DACH1: variants seen among roughly 807,000 people sequenced by gnomAD.
DACH1 encodes dachshund family transcription factor 1, also known as dachshund homolog 1.
A neutral mutation model predicts 54.2 loss-of-function variants in DACH1; 12 were observed. The ratio of observed to expected loss-of-function variants is 0.22; its 90% CI spans 0.14 to 0.36. DACH1 has a LOEUF of 0.36. DACH1 is among the 10% of genes least tolerant of loss of function. The probability of loss-of-function intolerance (pLI) is 1.00; values close to 1 mark genes in which losing one functional copy is unlikely to be tolerated. For missense variants in DACH1, 805 were observed against 929.8 expected, an observed-to-expected ratio of 0.87 and a Z score of 1.75; for synonymous variants, 386 against 366.2, an observed-to-expected ratio of 1.05 and a Z score of -0.62.
At chr13:71,616,957 C>T (rs1338754141) in intron 3 of DACH1, among the ~76,000 whole-genome samples, 4 of 150,944 alleles carry the variant, frequency 2.6e-5, no homozygotes, top group Admixed American at 6.6e-5. Context: ...TCTTGGCTCA[C>T]TGCAACCTCC....
At chr13:71,756,093 C>G (rs193107924) in intron 1 of DACH1, among the ~76,000 whole-genome samples, 21 of 151,946 alleles carry the variant, frequency 1.4e-4, no homozygotes, top group African/African-American at 5.1e-4. Flanking sequence ...TGCGGTAGCC[C>G]GATCTCGGCT....
chr13:71,448,824 G>GTTTT (rs11422735), intron 10 of DACH1, among the ~76,000 whole-genome samples: 3 of 145,662 alleles, frequency 2.1e-5, no homozygotes, highest in African/African-American at 7.6e-5. Context: ...AGATTCTGTG[G>GTTTT]TTTTTTTTTT....
Position 71,866,410 on chromosome 13 carries a change from G to GCCGCCC in DACH1, c.359_360insGGGCGG (p.Gly120_Gly121dup). 1 of 1,421,696 alleles carries GCCGCCC rather than the reference G, an allele frequency of 7.0e-7. No homozygotes were observed. The highest frequency in any genetic ancestry group is 9.3e-7 in the Non-Finnish European group (1 of 1,079,760). The allele number at this position is 1,421,696 out of a possible 1,614,324, so 88.1% of individuals were successfully genotyped here. A position where few individuals can be genotyped will look rare whatever the true frequency, so the allele number is the denominator to read the frequency against. On this transcript the variant is annotated inframe_insertion, in exon 1 of 11. Coordinates refer to ENST00000613252, the MANE Select transcript of DACH1 (RefSeq NM_080759.6). ...CGACGCCGCCGCCAGCGCTGATGCC[G>GCCGCCC]CCGCCGCCGCCGCCGCTGCCGTTGC...
chr13:71,654,528 T>C (rs1878958077), intron 2 of DACH1, among the ~76,000 whole-genome samples: 1 of 135,004 alleles, frequency 7.4e-6, no homozygotes, highest in African/African-American at 2.6e-5. Context: ...ATACAACTAA[T>C]AAATGGGGCA....
chr13:71,609,357 T>C (rs1438009002), intron 3 of DACH1, among the ~76,000 whole-genome samples: 2 of 152,254 alleles, frequency 1.3e-5, no homozygotes, highest in Admixed American at 1.3e-4. Flanking sequence ...TGTTTCACAA[T>C]GATATGTGGA....
intron 1 of DACH1, among the ~76,000 whole-genome samples, chr13:71,799,572 C>G (rs898339330): frequency 2.6e-5 from 4 of 152,078 alleles, no homozygotes; most frequent in African/African-American, 9.7e-5. Flanking sequence ...AAAACCGAGA[C>G]AGATAGCACA....
At chr13:71,864,999 G>A (rs1566550739) in intron 1 of DACH1, among the ~76,000 whole-genome samples, 1 of 152,144 alleles carries the variant, frequency 6.6e-6, no homozygotes. Context: ...AAGAGACAGA[G>A]AACTCGAAAG....
intron 4 of DACH1, among the ~76,000 whole-genome samples, chr13:71,569,630 G>T (rs954418362): frequency 6.6e-6 from 1 of 151,898 alleles, no homozygotes; most frequent in African/African-American, 2.4e-5. Flanking sequence ...AAAAACTTTT[G>T]GAGCTCCTTT....
At chr13:71,646,005 A>G (rs2138609837) in intron 2 of DACH1, among the ~76,000 whole-genome samples, 1 of 152,256 alleles carries the variant, frequency 6.6e-6, no homozygotes, top group East Asian at 1.9e-4. Flanking sequence ...AGACTGGAAT[A>G]TACTCTTTCC....
chr13:71,648,899 G>T (rs1294569037), intron 2 of DACH1, among the ~76,000 whole-genome samples: 1 of 152,126 alleles, frequency 6.6e-6, no homozygotes, highest in African/African-American at 2.4e-5. Context: ...GCCACTACTT[G>T]TTCAGGACAG....
At chr13:71,810,370 G>A (rs1327850424) in intron 1 of DACH1, among the ~76,000 whole-genome samples, 1 of 152,086 alleles carries the variant, frequency 6.6e-6, no homozygotes, top group Non-Finnish European at 1.5e-5. Context: ...AGATATTTTT[G>A]TCATATGGAA....
At chr13:71,776,542 G>T (rs975004159) in intron 1 of DACH1, among the ~76,000 whole-genome samples, 1 of 151,876 alleles carries the variant, frequency 6.6e-6, no homozygotes, top group Non-Finnish European at 1.5e-5. Context: ...TTTCCATTTT[G>T]GGTGATGCTA....
intron 6 of DACH1, among the ~76,000 whole-genome samples, chr13:71,496,485 T>C (rs908181840): frequency 6.6e-6 from 1 of 151,624 alleles, no homozygotes; most frequent in Non-Finnish European, 1.5e-5. Flanking sequence ...TACTTCATGT[T>C]CTCATTTATA....
At chr13:71,564,760 G>A (rs1416522672) in intron 4 of DACH1, among the ~76,000 whole-genome samples, 2 of 151,946 alleles carry the variant, frequency 1.3e-5, no homozygotes, top group Admixed American at 6.6e-5. Context: ...TTTTCTTAGG[G>A]TAAGTATAAT....
chr13:71,442,937 G>A (rs993158090), intron 10 of DACH1, among the ~76,000 whole-genome samples: 3 of 151,310 alleles, frequency 2.0e-5, no homozygotes, highest in African/African-American at 7.3e-5. Flanking sequence ...CTATAGATAA[G>A]GAGGGACTAC....
intron 2 of DACH1, among the ~76,000 whole-genome samples, chr13:71,638,384 C>T (rs763221761): frequency 3.3e-5 from 5 of 152,134 alleles, no homozygotes; most frequent in Non-Finnish European, 7.3e-5. Flanking sequence ...GTCCTGGTTC[C>T]TAACCATCTG....
intron 1 of DACH1, among the ~76,000 whole-genome samples, chr13:71,848,028 C>T (rs953305302): frequency 2.0e-5 from 3 of 152,048 alleles, no homozygotes; most frequent in African/African-American, 4.8e-5. Flanking sequence ...ACGCTTGGTA[C>T]AGAATAATTA....
At chr13:71,599,171 T>G (rs1490059758) in intron 3 of DACH1, among the ~76,000 whole-genome samples, 6 of 152,184 alleles carry the variant, frequency 3.9e-5, no homozygotes, top group African/African-American at 7.2e-5. Context: ...ATTTGAGCAT[T>G]CATCTAAAAA....
At chr13:71,693,824 T>C (rs1239078184) in intron 1 of DACH1, among the ~76,000 whole-genome samples, 2 of 152,150 alleles carry the variant, frequency 1.3e-5, no homozygotes, top group Non-Finnish European at 2.9e-5. Context: ...TAGGTAGGCA[T>C]GGGTGTATAG....
Sources: gnomAD v4.1 joint callset for allele counts (sites outside exome capture counted in the v4.1 genomes callset) on GRCh38, gnomAD v4.1.1 for gene constraint, MANE v1.5 for transcripts, NCBI Gene and HGNC (gene_info 2026-07-23, HGNC 2026-07-21) for gene names.